SAE1: variants seen among roughly 807,000 people sequenced by gnomAD.
The protein encoded by SAE1 is SUMO-activating enzyme subunit 1.
In SAE1, 11 loss-of-function variants were observed where a neutral mutation model predicts 40.6. The ratio of observed to expected loss-of-function variants is 0.27; its 90% CI spans 0.17 to 0.45. The LOEUF (loss-of-function observed/expected upper bound fraction) is 0.45, where lower values mean the gene tolerates loss of function less well. Among genes scored for constraint, SAE1 ranks in the 20% least tolerant of loss-of-function variants. The probability of loss-of-function intolerance (pLI) is 1.00; values close to 1 mark genes in which losing one functional copy is unlikely to be tolerated. For missense variants in SAE1, 373 were observed against 427.3 expected, an observed-to-expected ratio of 0.87 and a Z score of 1.12; for synonymous variants, 155 against 154.3, an observed-to-expected ratio of 1.00 and a Z score of -0.03.
At chr19:47,136,988 A>G (rs1398784991) in intron 1 of SAE1, among the ~76,000 whole-genome samples, 1 of 152,192 alleles carries the variant, frequency 6.6e-6, no homozygotes, top group Non-Finnish European at 1.5e-5. Flanking sequence ...GGAAATGGGC[A>G]GGCTGATAAA....
rs547399786 is a variant in SAE1, at chr19:47,202,510, T to C, written c.879-1161T>C. Among the ~76,000 whole-genome samples, 9 of 151,398 alleles carry C rather than the reference T, an allele frequency of 5.9e-5. No individual in the cohort carries two copies. In the South Asian group the frequency reaches 1.9e-3, roughly 32 times the overall value. On this transcript the variant is annotated intron_variant, in intron 7 of 8. Transcript: ENST00000270225. ...ACCATGTGGGCCAGGATGATCTCGA[T>C]CTCTTGACTTTGTGATCCGCCCACC...
intron 3 of SAE1, among the ~76,000 whole-genome samples, chr19:47,152,250 C>T (rs2058292696): frequency 6.6e-6 from 1 of 152,228 alleles, no homozygotes; most frequent in Non-Finnish European, 1.5e-5. Flanking sequence ...TACTGGAATA[C>T]AACCTGGAGG....
At position 47,175,988 on chromosome 19, in the gene SAE1, G is replaced by A. The variant is rs559152528; in HGVS notation, c.733+6065G>A. ...TTCAAAGTTTTTGAAGGCAGAAAAA[G>A]TTTTCTTTGTTAAACCCTTCCCATT... On this transcript the variant is annotated intron_variant, in intron 6 of 8. Coordinates refer to ENST00000270225, the MANE Select transcript of SAE1 (RefSeq NM_005500.3). 3.9e-5 allele frequency among the ~76,000 whole-genome samples: 6 copies of A among 152,274 alleles called. No individual in the cohort carries two copies. The East Asian group carries it at 1.2e-3, about 29-fold the overall frequency.
chr19:47,156,318 C>T (rs57634179), intron 5 of SAE1, among the ~76,000 whole-genome samples: 1 of 150,330 alleles, frequency 6.7e-6, no homozygotes, highest in Non-Finnish European at 1.5e-5. Context: ...TCTCTACTAA[C>T]AATACAAAAA....
intron 1 of SAE1, among the ~76,000 whole-genome samples, chr19:47,131,920 C>G (rs577579549): frequency 1.3e-5 from 2 of 151,790 alleles, no homozygotes; most frequent in South Asian, 4.2e-4. Flanking sequence ...AGACTGGTCT[C>G]GATCTCCTTA....
intron 1 of SAE1, among the ~76,000 whole-genome samples, chr19:47,132,822 GGA>G (rs1252133768): frequency 6.6e-6 from 1 of 151,844 alleles, no homozygotes; most frequent in Admixed American, 6.6e-5. Context: ...CCTGGGAGGT[GGA>G]GGTTGCAGTG....
At chr19:47,202,139 A>G (rs2058659055) in intron 7 of SAE1, among the ~76,000 whole-genome samples, 1 of 152,138 alleles carries the variant, frequency 6.6e-6, no homozygotes, top group Non-Finnish European at 1.5e-5. Context: ...GCATTGCTAT[A>G]TTTAGAAATT....
At chr19:47,148,985 AT>A (rs113372028) in intron 2 of SAE1, among the ~76,000 whole-genome samples, 5 of 148,522 alleles carry the variant, frequency 3.4e-5, no homozygotes, top group African/African-American at 4.9e-5. Context: ...CACAAGTTTG[AT>A]TTTTTTTTTA....
chr19:47,190,484 C>T (rs2058571943), intron 6 of SAE1, among the ~76,000 whole-genome samples: 1 of 152,202 alleles, frequency 6.6e-6, no homozygotes, highest in Non-Finnish European at 1.5e-5. Context: ...CCCCCCTCCA[C>T]TGCTGCTAAC....
chr19:47,190,094 G>A (rs965085697), intron 6 of SAE1, among the ~76,000 whole-genome samples: 1 of 152,254 alleles, frequency 6.6e-6, no homozygotes, highest in African/African-American at 2.4e-5. Flanking sequence ...AACCTAAGCC[G>A]AGACACTAGT....
intron 1 of SAE1, among the ~76,000 whole-genome samples, chr19:47,134,690 AGTG>A (rs2058167905): frequency 6.6e-6 from 1 of 152,092 alleles, no homozygotes; most frequent in Non-Finnish European, 1.5e-5. Flanking sequence ...CTTTGTTTGA[AGTG>A]GGGCAAAGTT....
chr19:47,137,768 G>A (rs1462659656), intron 1 of SAE1, among the ~76,000 whole-genome samples: 3 of 140,482 alleles, frequency 2.1e-5, no homozygotes, highest in Admixed American at 7.6e-5. Flanking sequence ...TCACTCTGTC[G>A]CCCAGGCTGG....
At chr19:47,190,571 T>A (rs1244371144) in intron 6 of SAE1, among the ~76,000 whole-genome samples, 1 of 152,116 alleles carries the variant, frequency 6.6e-6, no homozygotes, top group Non-Finnish European at 1.5e-5. Flanking sequence ...CTGGACTGAT[T>A]GGCCCCCTTC....
chr19:47,167,543 A>T (rs2058401955), intron 5 of SAE1, among the ~76,000 whole-genome samples: 1 of 152,048 alleles, frequency 6.6e-6, no homozygotes, highest in South Asian at 2.1e-4. Context: ...CCCAGCCAAC[A>T]ATTTGAACTT....
intron 6 of SAE1, among the ~76,000 whole-genome samples, chr19:47,180,713 C>T (rs1341790431): frequency 6.6e-6 from 1 of 152,100 alleles, no homozygotes; most frequent in Non-Finnish European, 1.5e-5. Context: ...GTCCTAGCTA[C>T]TCAGGAGGAT....
At chr19:47,162,165 GTTTTGTTTTTAT>G (rs1005708545) in intron 5 of SAE1, among the ~76,000 whole-genome samples, 14 of 152,064 alleles carry the variant, frequency 9.2e-5, no homozygotes, top group Admixed American at 3.3e-4. Flanking sequence ...TTTGGTTTTT[GTTTTGTTTTTAT>G]TTTTGTTTTT....
intron 6 of SAE1, among the ~76,000 whole-genome samples, chr19:47,197,027 A>G (rs1187722724): frequency 2.6e-5 from 4 of 151,984 alleles, no homozygotes; most frequent in Non-Finnish European, 4.4e-5. Context: ...CTAAATATAC[A>G]AAAATTAGCC....
intron 8 of SAE1, 61 bp from the exon 9 acceptor site, chr19:47,209,098 T>G (rs1216782513): frequency 6.5e-7 from 1 of 1,549,262 alleles, no homozygotes; most frequent in Non-Finnish European, 8.8e-7. Flanking sequence ...TTAGAATTTT[T>G]TTTTCCCTCT....
intron 6 of SAE1, among the ~76,000 whole-genome samples, chr19:47,196,044 CTTTTTT>C (rs778913288): frequency 7.7e-6 from 1 of 129,944 alleles, no homozygotes; most frequent in Non-Finnish European, 1.7e-5. Context: ...TCTTCCGGGT[CTTTTTT>C]TTTTTTTTTT....
Sources: allele counts gnomAD v4.1 joint callset (sites outside exome capture counted in the v4.1 genomes callset), GRCh38; gene constraint gnomAD v4.1.1; transcripts MANE v1.5; gene names NCBI Gene and HGNC (gene_info 2026-07-23, HGNC 2026-07-21).